PUM1: variants seen among roughly 807,000 people sequenced by gnomAD.
PUM1 encodes pumilio homolog 1.
In PUM1, 13 loss-of-function variants were observed where a neutral mutation model predicts 131.8. The observed-to-expected ratio is 0.10, with a 90% CI of 0.06 to 0.16. The LOEUF is 0.16. PUM1 is among the 10% of genes least tolerant of loss of function. The pLI, the probability that PUM1 is intolerant of heterozygous loss-of-function variation, is 1.00. For missense variants in PUM1, 961 were observed against 1,512.4 expected (o/e 0.64, Z 6.05); for synonymous variants, 509 against 556.5 (o/e 0.91, Z 1.20).
chr1:30,936,304 ATGT>A (rs1011693581), intron 21 of PUM1, among the ~76,000 whole-genome samples: 1 of 152,114 alleles, frequency 6.6e-6, no homozygotes, highest in African/African-American at 2.4e-5. Context: ...TGTTCAATAG[ATGT>A]TGGTGGGATG....
chr1:30,954,086 T>G (rs1339526867), intron 14 of PUM1, 105 bp from the exon 15 acceptor site: 1 of 1,203,308 alleles, frequency 8.3e-7, no homozygotes, highest in Admixed American at 2.4e-5. Flanking sequence ...TTCTGATTTC[T>G]TCAATGCTGT....
intron 13 of PUM1, among the ~76,000 whole-genome samples, chr1:30,965,577 G>C (rs1363378506): frequency 6.6e-6 from 1 of 152,162 alleles, no homozygotes; most frequent in Non-Finnish European, 1.5e-5. Flanking sequence ...AAAGACTGAA[G>C]AAAACTTGTA....
intron 2 of PUM1, among the ~76,000 whole-genome samples, chr1:31,039,200 T>C (rs1414249141): frequency 6.9e-6 from 1 of 144,214 alleles, no homozygotes; most frequent in East Asian, 2.2e-4. Context: ...GTCTCCCTGT[T>C]ACCCACGCTA....
chr1:31,064,879 G>A (rs1644450179), intron 1 of PUM1, among the ~76,000 whole-genome samples: 1 of 149,752 alleles, frequency 6.7e-6, no homozygotes, highest in South Asian at 2.1e-4. Flanking sequence ...GCATGTTTGT[G>A]AGGACTAAAA....
At chr1:31,044,269 C>T (rs1331298185) in intron 2 of PUM1, among the ~76,000 whole-genome samples, 6 of 151,986 alleles carry the variant, frequency 3.9e-5, no homozygotes, top group African/African-American at 9.7e-5. Flanking sequence ...GGCGAGGTGG[C>T]GGGCGCCTGT....
intron 3 of PUM1, among the ~76,000 whole-genome samples, chr1:31,009,782 A>AAAAAAAACAAAAAC (rs375044466): frequency 0.052 from 6,495 of 124,076 alleles, 319 homozygotes; most frequent in Non-Finnish European, 0.075. Context: ...AAAAAAAAAA[A>AAAAAAAACAAAAAC]AAAAACAAAA....
intron 2 of PUM1, among the ~76,000 whole-genome samples, chr1:31,046,489 GTTTTTTTTTTTTGTTTTTTTGGT>G (rs1341775899): frequency 3.7e-4 from 50 of 136,628 alleles, no homozygotes; most frequent in African/African-American, 1.2e-3. Context: ...GGGTTTTTGG[GTTTTTTTTTTTTGTTTTTTTGGT>G]TTTTTTTTTT....
intron 14 of PUM1, among the ~76,000 whole-genome samples, chr1:30,960,781 C>T (rs1640372057): frequency 6.6e-6 from 1 of 152,002 alleles, no homozygotes; most frequent in Admixed American, 6.6e-5. Flanking sequence ...TGACCTGACA[C>T]CCAAAATTAA....
chr1:30,950,869 G>T (rs1639905271), intron 16 of PUM1, among the ~76,000 whole-genome samples: 1 of 152,116 alleles, frequency 6.6e-6, no homozygotes, highest in African/African-American at 2.4e-5. Context: ...TCAAAAAAAA[G>T]AATCCTACAC....
chr1:30,941,334 A>G, intron 19 of PUM1, 62 bp from the exon 20 acceptor site: 2 of 1,529,246 alleles, frequency 1.3e-6, no homozygotes, highest in Non-Finnish European at 1.8e-6. Context: ...AGGTTACTTA[A>G]GTCCTTATAT....
Position 31,028,780 on chromosome 1 carries a change from A to C in PUM1, c.432+16T>G, listed in dbSNP as rs1643310595. On this transcript the variant is annotated intron_variant, in intron 3 of 21. Coordinates refer to ENST00000426105, the MANE Select transcript of PUM1 (RefSeq NM_001020658.2). ...TTAAAAACAGACCCACTTTTCTGACACACCAGTTCACTTACCTCTCCCATC... is the reference window on the plus strand; with the variant it reads ...TTAAAAACAGACCCACTTTTCTGACCCACCAGTTCACTTACCTCTCCCATC... 6.2e-7 allele frequency: 1 copy of C among 1,605,810 alleles called. No individual in the cohort carries two copies. Among genetic ancestry groups the C allele is most frequent in the Non-Finnish European group, 8.5e-7 (1 of 1,172,556 alleles).
intron 10 of PUM1, among the ~76,000 whole-genome samples, chr1:30,972,397 G>C (rs1640938091): frequency 0.059 from 2 of 34 alleles, 1 homozygote; most frequent in Non-Finnish European, 0.11. Flanking sequence ...GGGAGGGGAG[G>C]GGAGGGGAGG....
At chr1:31,047,209 G>A (rs1296216729) in intron 2 of PUM1, among the ~76,000 whole-genome samples, 2 of 152,110 alleles carry the variant, frequency 1.3e-5, no homozygotes, top group Admixed American at 6.6e-5. Flanking sequence ...TACATTCACA[G>A]CAAGGAGCAA....
chr1:31,002,544 A>T (rs923104141), intron 5 of PUM1, among the ~76,000 whole-genome samples: 1 of 152,202 alleles, frequency 6.6e-6, no homozygotes, highest in African/African-American at 2.4e-5. Context: ...CAGGGTCCTT[A>T]GATGGCAATC....
intron 2 of PUM1, among the ~76,000 whole-genome samples, chr1:31,033,462 G>A (rs1264174379): frequency 1.4e-5 from 2 of 142,048 alleles, no homozygotes; most frequent in African/African-American, 2.6e-5. Context: ...GCGCAATCTC[G>A]GCTCACTGCA....
intron 18 of PUM1, among the ~76,000 whole-genome samples, chr1:30,944,648 T>TA (rs1639594723): frequency 6.6e-6 from 1 of 152,222 alleles, no homozygotes; most frequent in Non-Finnish European, 1.5e-5. Flanking sequence ...CTTGTTATTT[T>TA]AAAGATATAT....
At chr1:31,038,984 A>ATATATATATATATATATATATTTTTT in intron 2 of PUM1, among the ~76,000 whole-genome samples, 3 of 49,412 alleles carry the variant, frequency 6.1e-5, no homozygotes, top group African/African-American at 2.1e-4. Flanking sequence ...ATATATATAT[A>ATATATATATATATATATATATTTTTT]TTTTTTTTTT....
intron 13 of PUM1, among the ~76,000 whole-genome samples, 180 bp from the exon 14 acceptor site, chr1:30,965,090 C>T (rs1321211718): frequency 2.0e-5 from 3 of 152,036 alleles, no homozygotes; most frequent in East Asian, 3.9e-4. Context: ...GGACATGGCT[C>T]AGGTTAACAT....
chr1:31,029,718 G>T lies in PUM1; in HGVS notation c.364-854C>A, dbSNP rs143995052. ...ATTCCTTTGTTTATTAAAGACGTAG[G>T]CTCCCAGCCTGGGGAACATGGCAAA... On this transcript the variant is annotated intron_variant, in intron 2 of 21. Transcript: ENST00000426105. 4.6e-5 allele frequency among the ~76,000 whole-genome samples: 7 copies of T among 152,202 alleles called. No individual in the cohort carries two copies. The East Asian group carries it at 1.4e-3, about 29-fold the overall frequency.
Sources: gnomAD v4.1 joint callset for allele counts (sites outside exome capture counted in the v4.1 genomes callset) on GRCh38, gnomAD v4.1.1 for gene constraint, MANE v1.5 for transcripts, NCBI Gene and HGNC (gene_info 2026-07-23, HGNC 2026-07-21) for gene names.